Variants in PLEKHA5 observed in about 807,000 individuals in gnomAD.
The protein encoded by PLEKHA5 is pleckstrin homology domain containing A5.
In PLEKHA5, 55 loss-of-function variants were observed where a neutral mutation model predicts 181.9. The observed-to-expected ratio is 0.30, with a 90% CI of 0.24 to 0.38. The LOEUF (loss-of-function observed/expected upper bound fraction) is 0.38. Among genes scored for constraint, PLEKHA5 ranks in the 10% least tolerant of loss-of-function variants. PLEKHA5 has a pLI of 1.00. For missense variants in PLEKHA5, 1,432 were observed against 1,549.5 expected (o/e 0.92, Z 1.27); for synonymous variants, 535 against 529.4 (o/e 1.01, Z -0.15).
chr12:19,322,985 AC>A (rs1275206085), intron 20 of PLEKHA5, among the ~76,000 whole-genome samples: 1 of 147,842 alleles, frequency 6.8e-6, no homozygotes, highest in Non-Finnish European at 1.5e-5. Context: ...AGTAGCTGGG[AC>A]TACAGGCTGG....
chr12:19,226,072 T>C (rs369170330), intron 3 of PLEKHA5, among the ~76,000 whole-genome samples: 182 of 152,336 alleles, frequency 1.2e-3, no homozygotes, highest in Middle Eastern at 3.4e-3. Context: ...TACATTGGTA[T>C]TTAATACATT....
chr12:19,179,354 T>G (rs2048011703), intron 3 of PLEKHA5, among the ~76,000 whole-genome samples: 1 of 152,086 alleles, frequency 6.6e-6, no homozygotes. Flanking sequence ...AAAAAACAAT[T>G]GAACAAAAGA....
intron 20 of PLEKHA5, 142 bp downstream of exon 20, chr12:19,322,809 T>C: frequency 1.7e-6 from 1 of 598,292 alleles, no homozygotes; most frequent in African/African-American, 1.9e-5. Flanking sequence ...TTAGTGTGCT[T>C]CTGTTTAGGA....
chr12:19,366,270 C>T (rs1326460959), intron 30 of PLEKHA5, among the ~76,000 whole-genome samples, 161 bp downstream of exon 30: 1 of 152,136 alleles, frequency 6.6e-6, no homozygotes, highest in Admixed American at 6.6e-5. Flanking sequence ...GATGCAGCCC[C>T]TGCCAGAGTC....
chr12:19,139,030 A>T (rs925925430), intron 3 of PLEKHA5, among the ~76,000 whole-genome samples: 1 of 152,220 alleles, frequency 6.6e-6, no homozygotes, highest in African/African-American at 2.4e-5. Flanking sequence ...GTGGGAATCA[A>T]GGAGACCATT....
At chr12:19,269,979 T>C (rs1188806599) in intron 9 of PLEKHA5, 94 bp downstream of exon 9, 1 of 684,798 alleles carries the variant, frequency 1.5e-6, no homozygotes, top group Admixed American at 3.0e-5. Flanking sequence ...ATCATTTTAA[T>C]AGTCATGGTA....
intron 3 of PLEKHA5, among the ~76,000 whole-genome samples, chr12:19,203,796 C>T (rs1054769130): frequency 2.6e-5 from 4 of 151,986 alleles, no homozygotes; most frequent in African/African-American, 4.8e-5. Flanking sequence ...TGCAGCGTAC[C>T]GTGACTCATA....
At chr12:19,247,934 A>AG (rs2064187409) in intron 3 of PLEKHA5, among the ~76,000 whole-genome samples, 1 of 148,442 alleles carries the variant, frequency 6.7e-6, no homozygotes, top group Admixed American at 7.0e-5. Flanking sequence ...ATTAAAAAAA[A>AG]AAGAGAGAGA....
chr12:19,272,823 G>A lies in PLEKHA5; in HGVS notation c.846-1693G>A, dbSNP rs143440656. ...TAAATATGTTTTAAAAATCTTTTCA[G>A]TTATTTTATGTTTAATGTTAAAATT... On this transcript the variant is annotated intron_variant, in intron 10 of 31. Transcript: ENST00000429027. 2.1e-3 allele frequency among the ~76,000 whole-genome samples: 323 copies of A among 152,272 alleles called. 1 individual carries two copies. The highest frequency in any genetic ancestry group is 7.4e-3 in the African/African-American group (307 of 41,556).
chr12:19,349,571 A>G (rs2094491328), intron 25 of PLEKHA5, among the ~76,000 whole-genome samples: 1 of 152,092 alleles, frequency 6.6e-6, no homozygotes, highest in African/African-American at 2.4e-5. Flanking sequence ...CTAGAAGGCA[A>G]TTGCGTAAAG....
At chr12:19,293,868 C>G (rs1162924232) in intron 15 of PLEKHA5, among the ~76,000 whole-genome samples, 2 of 152,280 alleles carry the variant, frequency 1.3e-5, no homozygotes, top group Admixed American at 6.5e-5. Flanking sequence ...ACATTCCCAT[C>G]TCTCCTCTCA....
At chr12:19,347,986 G>T (rs1381840894) in intron 24 of PLEKHA5, among the ~76,000 whole-genome samples, 10 of 150,370 alleles carry the variant, frequency 6.7e-5, no homozygotes, top group African/African-American at 1.2e-4. Context: ...AGGTTCAAGT[G>T]ATTCTCCTGC....
intron 3 of PLEKHA5, among the ~76,000 whole-genome samples, chr12:19,133,792 A>T (rs1172953758): frequency 6.6e-6 from 1 of 151,982 alleles, no homozygotes; most frequent in Non-Finnish European, 1.5e-5. Flanking sequence ...TGGAGATTAT[A>T]CTATACATTA....
At chr12:19,275,193 G>A (rs2074146152) in intron 11 of PLEKHA5, among the ~76,000 whole-genome samples, 1 of 152,134 alleles carries the variant, frequency 6.6e-6, no homozygotes, top group Admixed American at 6.5e-5. Context: ...ATGGCAAGGA[G>A]TCATCCTTCC....
At chr12:19,317,086 G>C (rs1384869333) in intron 16 of PLEKHA5, among the ~76,000 whole-genome samples, 1 of 152,080 alleles carries the variant, frequency 6.6e-6, no homozygotes, top group East Asian at 1.9e-4. Context: ...CTGAATCCAG[G>C]CTTGTCGAGG....
At chr12:19,345,428 TAAATAA>T (rs891509579) in intron 22 of PLEKHA5, among the ~76,000 whole-genome samples, 15 of 148,912 alleles carry the variant, frequency 1.0e-4, no homozygotes, top group African/African-American at 3.2e-4. Flanking sequence ...AAAATAAAAA[TAAATAA>T]AAATAAAAAT....
At chr12:19,216,460 C>G (rs1215749707) in intron 3 of PLEKHA5, among the ~76,000 whole-genome samples, 1 of 151,958 alleles carries the variant, frequency 6.6e-6, no homozygotes, top group Non-Finnish European at 1.5e-5. Context: ...GTCAGGAGTT[C>G]GAGACCAGCC....
rs556212987 is a variant in PLEKHA5 at position 19,273,827 on chromosome 12, A to G, written c.846-689A>G. Among the ~76,000 whole-genome samples the G allele has an allele frequency of 4.8e-3, 735 of 152,322 alleles. 3 individuals carry two copies. The highest frequency in any genetic ancestry group is 0.01 in the Middle Eastern group (3 of 294). ...AAAATAAGGTCTGTGCCAGCCACTC[A>G]TTAACTCATCTGATTCTCACAAGAA... is the stretch of plus-strand genomic sequence containing the variant. On this transcript the variant is annotated intron_variant, in intron 10 of 31. Transcript: ENST00000429027.
chr12:19,190,072 T>C (rs1174409139), intron 3 of PLEKHA5, among the ~76,000 whole-genome samples: 1 of 152,234 alleles, frequency 6.6e-6, no homozygotes, highest in East Asian at 1.9e-4. Context: ...TTAAAAGTTA[T>C]TATTCAGCTG....
Sources: allele counts gnomAD v4.1 joint callset (sites outside exome capture counted in the v4.1 genomes callset), GRCh38; gene constraint gnomAD v4.1.1; transcripts MANE v1.5; gene names NCBI Gene and HGNC (gene_info 2026-07-23, HGNC 2026-07-21).